The following SCP2 variants were observed in gnomAD, a reference collection of about 807,000 sequenced individuals.
SCP2 encodes sterol carrier protein 2.
In SCP2, 48 loss-of-function variants were observed where a neutral mutation model predicts 71.4. That is an observed-to-expected ratio of 0.67 (90% CI 0.53 to 0.86). The LOEUF is 0.86. Among genes scored for constraint, SCP2 ranks in the 40% least tolerant of loss-of-function variants. The probability of loss-of-function intolerance (pLI) is 0.00; values close to 1 mark genes in which losing one functional copy is unlikely to be tolerated. For missense variants in SCP2, 560 were observed against 655.6 expected (o/e 0.85, Z 1.59); for synonymous variants, 220 against 218.1 (o/e 1.01, Z -0.08).
intron 11 of SCP2, among the ~76,000 whole-genome samples, chr1:52,996,403 G>T (rs758200435): frequency 6.6e-6 from 1 of 152,200 alleles, no homozygotes; most frequent in Non-Finnish European, 1.5e-5. Context: ...AGCCCAAAGC[G>T]AAAGATGGTA....
At chr1:52,956,662 G>C (rs1415675085) in intron 5 of SCP2, among the ~76,000 whole-genome samples, 1 of 152,104 alleles carries the variant, frequency 6.6e-6, no homozygotes, top group Admixed American at 6.6e-5. Context: ...TATACCTAGG[G>C]AACAGTTTTA....
intron 13 of SCP2, among the ~76,000 whole-genome samples, chr1:53,031,510 C>T (rs1260848963): frequency 1.3e-5 from 2 of 152,158 alleles, no homozygotes; most frequent in Non-Finnish European, 2.9e-5. Flanking sequence ...CTCCATTGCC[C>T]TTCTTTGAAT....
At chr1:52,967,782 G>A (rs779311888) in intron 6 of SCP2, among the ~76,000 whole-genome samples, 7 of 152,268 alleles carry the variant, frequency 4.6e-5, no homozygotes, top group East Asian at 1.9e-4. Context: ...CTGTTGGTCC[G>A]CTGCTTGATT....
chr1:52,943,296 C>A (rs989396312), intron 2 of SCP2, among the ~76,000 whole-genome samples: 1 of 151,114 alleles, frequency 6.6e-6, no homozygotes, highest in East Asian at 2.0e-4. Context: ...AATCTCGGCT[C>A]ACTGCAAGCT....
intron 11 of SCP2, among the ~76,000 whole-genome samples, chr1:53,008,803 T>G (rs1266531339): frequency 2.0e-5 from 3 of 152,098 alleles, no homozygotes; most frequent in Non-Finnish European, 4.4e-5. Flanking sequence ...GAGAAAGAAA[T>G]AAAGGGTATT....
intron 1 of SCP2, among the ~76,000 whole-genome samples, chr1:52,939,723 G>A (rs1165767974): frequency 6.6e-6 from 1 of 152,102 alleles, no homozygotes; most frequent in East Asian, 1.9e-4. Context: ...CTGTTGCCCA[G>A]GCTGGAGTGC....
intron 11 of SCP2, among the ~76,000 whole-genome samples, chr1:53,002,227 C>T (rs941526910): frequency 1.3e-5 from 2 of 151,696 alleles, no homozygotes; most frequent in African/African-American, 4.8e-5. Context: ...AAAAAAATAT[C>T]TTCCCTATTT....
intron 4 of SCP2, among the ~76,000 whole-genome samples, chr1:52,951,722 C>CT (rs928545840): frequency 4.5e-4 from 65 of 145,588 alleles, no homozygotes; most frequent in African/African-American, 6.2e-4. Context: ...AATATTAGAA[C>CT]TTTTTTTTTT....
At chr1:52,999,084 G>C (rs1660136899) in intron 11 of SCP2, among the ~76,000 whole-genome samples, 1 of 147,232 alleles carries the variant, frequency 6.8e-6, no homozygotes, top group Non-Finnish European at 1.5e-5. Flanking sequence ...TGATGGTATA[G>C]CATTTTTTGG....
intron 6 of SCP2, among the ~76,000 whole-genome samples, chr1:52,962,718 A>G (rs1360888520): frequency 2.6e-5 from 4 of 152,100 alleles, no homozygotes; most frequent in Admixed American, 2.6e-4. Flanking sequence ...TAAGATTGTC[A>G]GAGCCAGCTC....
At chr1:53,038,826 C>T (rs969924041) in intron 13 of SCP2, 91 bp from the exon 14 acceptor site, 1 of 1,512,828 alleles carries the variant, frequency 6.6e-7, no homozygotes, top group South Asian at 1.1e-5. Flanking sequence ...CCCGTATACT[C>T]ATATCATGTA....
intron 3 of SCP2, among the ~76,000 whole-genome samples, chr1:52,949,212 C>G (rs190000088): frequency 6.6e-6 from 1 of 152,168 alleles, no homozygotes; most frequent in East Asian, 1.9e-4. Context: ...CAAGAGAATT[C>G]TAGAAGGGAA....
chr1:53,050,659 G>C lies in SCP2; in HGVS notation c.1599G>C (p.Met533Ile). 1 of 1,613,730 alleles carries C rather than the reference G, an allele frequency of 6.2e-7. No individual in the cohort carries two copies. The highest frequency in any genetic ancestry group is 8.5e-7 in the Non-Finnish European group (1 of 1,179,716). Residue 533 changes from methionine (M) to isoleucine (I), a missense_variant, in exon 16 of 16, where the codon ATG (methionine) becomes ATC (isoleucine). Coordinates refer to ENST00000371514, the MANE Select transcript of SCP2 (RefSeq NM_002979.5). ...TCACTGGCAACATGGGTCTCGCTAT[G>C]AAGTTACAAAATCTTCAGCTTCAGC... The part of the protein sequence containing the change: ...LKITGNMGLA[M>I]KLQNLQLQPG...
chr1:52,958,506 C>A (rs1295787745), intron 5 of SCP2, among the ~76,000 whole-genome samples: 3 of 152,118 alleles, frequency 2.0e-5, no homozygotes, highest in Non-Finnish European at 2.9e-5. Context: ...GCTGGGATTA[C>A]AAGTATGAGG....
At chr1:52,929,406 C>T (rs1312289069) in intron 1 of SCP2, among the ~76,000 whole-genome samples, 1 of 151,876 alleles carries the variant, frequency 6.6e-6, no homozygotes, top group East Asian at 1.9e-4. Flanking sequence ...CTAGATGGGT[C>T]TCATTTCTAC....
chr1:53,014,091 G>C (rs11579073), intron 11 of SCP2, among the ~76,000 whole-genome samples: 16,968 of 143,782 alleles, frequency 0.12, 1,718 homozygotes, highest in African/African-American at 0.29. Context: ...ATTTTTAGTA[G>C]AGACGGGGTT....
intron 11 of SCP2, chr1:52,996,086 C>T (rs1659915937): frequency 1.3e-6 from 1 of 782,632 alleles, no homozygotes. Context: ...TCACCTGCCC[C>T]TTTTCTCTAC....
chr1:52,976,791 A>G, intron 8 of SCP2, 22 bp downstream of exon 8: 3 of 1,174,394 alleles, frequency 2.6e-6, no homozygotes, highest in East Asian at 2.3e-5. Context: ...ATATTTTAAC[A>G]TTTAATGAGG....
At chr1:53,005,725 A>C (rs1436506930) in intron 11 of SCP2, among the ~76,000 whole-genome samples, 1 of 152,246 alleles carries the variant, frequency 6.6e-6, no homozygotes, top group Non-Finnish European at 1.5e-5. Flanking sequence ...CTTCCCTCCA[A>C]AGGAGCACAG....
Sources: allele counts gnomAD v4.1 joint callset (sites outside exome capture counted in the v4.1 genomes callset), GRCh38; gene constraint gnomAD v4.1.1; transcripts MANE v1.5; gene names NCBI Gene and HGNC (gene_info 2026-07-23, HGNC 2026-07-21).